Variants in GNG2 observed in about 807,000 individuals in gnomAD.
GNG2 encodes the protein guanine nucleotide-binding protein G(I)/G(S)/G(O) subunit gamma-2.
In GNG2, 5 loss-of-function variants were observed where a neutral mutation model predicts 5.5. That is an observed-to-expected ratio of 0.91 (90% CI 0.48 to 1.92). The LOEUF is 1.92. Among genes scored for constraint, GNG2 ranks in the 30% most tolerant of loss-of-function variants. The pLI is 0.01. For synonymous variants in GNG2, 28 were observed against 32.0 expected (o/e 0.88, Z 0.42); for missense variants, 55 against 88.4 (o/e 0.62, Z 1.52).
chr14:51,865,528 G>A (rs192180133), intron 1 of GNG2, among the ~76,000 whole-genome samples: 4 of 152,052 alleles, frequency 2.6e-5, no homozygotes, highest in Non-Finnish European at 5.9e-5. Context: ...AATGATCTGG[G>A]GGGTGACCTA....
At chr14:51,841,785 G>A (rs1881491512) in intron 2 of GNG2, among the ~76,000 whole-genome samples, 1 of 152,156 alleles carries the variant, frequency 6.6e-6, no homozygotes, top group South Asian at 2.1e-4. Context: ...GCTTTTCTTT[G>A]GGGCCATACG....
chr14:51,874,544 A>T (rs1323594382), intron 1 of GNG2, among the ~76,000 whole-genome samples: 2 of 152,036 alleles, frequency 1.3e-5, no homozygotes, highest in African/African-American at 4.8e-5. Flanking sequence ...CAGCTTGGGC[A>T]ACGTAGAGAC....
At chr14:51,826,863 A>T (rs536932580) in intron 1 of GNG2, among the ~76,000 whole-genome samples, 1 of 152,366 alleles carries the variant, frequency 6.6e-6, no homozygotes, top group Middle Eastern at 3.4e-3. Context: ...AGACCCATAA[A>T]TAAGCACAGC....
chr14:51,828,682 A>T (rs1881099465), intron 2 of GNG2, among the ~76,000 whole-genome samples: 1 of 152,160 alleles, frequency 6.6e-6, no homozygotes, highest in Non-Finnish European at 1.5e-5. Flanking sequence ...TTACAGACCC[A>T]TCAAGCTGCT....
chr14:51,909,821 A>T (rs1173990231), intron 2 of GNG2, among the ~76,000 whole-genome samples: 1 of 152,226 alleles, frequency 6.6e-6, no homozygotes, highest in African/African-American at 2.4e-5. Flanking sequence ...GGATTGTGGA[A>T]ACCTGGCTTC....
chr14:51,903,199 T>A (rs1225234943), intron 2 of GNG2, among the ~76,000 whole-genome samples: 1 of 152,208 alleles, frequency 6.6e-6, no homozygotes, highest in East Asian at 1.9e-4. Context: ...AATGATATAT[T>A]TCATATGTAA....
chr14:51,853,128 T>C lies in GNG2; in HGVS notation c.64+25321T>C, dbSNP rs1881988132. On this transcript the variant is annotated intron_variant, in intron 2 of 3. Coordinates refer to the GNG2 transcript ENST00000553432. ...AATTTTTAGCTGATTTTATAAAATGTTCTGGTATTTTCAAAATGGTCAGTA... is the reference window on the plus strand; with the variant it reads ...AATTTTTAGCTGATTTTATAAAATGCTCTGGTATTTTCAAAATGGTCAGTA... 1.3e-5 allele frequency among the ~76,000 whole-genome samples: 2 copies of C among 152,232 alleles called. 1 individual carries two copies. Among genetic ancestry groups the C allele is most frequent in the Admixed American group, 1.3e-4 (2 of 15,274 alleles).
upstream of GNG2, among the ~76,000 whole-genome samples, chr14:51,855,514 G>A (rs747646951): frequency 1.8e-4 from 27 of 152,350 alleles, no homozygotes; most frequent in Non-Finnish European, 2.6e-4. Context: ...ACTCTTTAAA[G>A]AGGCTTCTAT....
chr14:51,863,675 A>G (rs1022950411), intron 1 of GNG2, among the ~76,000 whole-genome samples: 2 of 151,872 alleles, frequency 1.3e-5, no homozygotes, highest in Non-Finnish European at 2.9e-5. Context: ...CCATTAATCA[A>G]TACCTCCTCT....
At chr14:51,927,097 C>G (rs755086586) in intron 2 of GNG2, among the ~76,000 whole-genome samples, 1 of 152,268 alleles carries the variant, frequency 6.6e-6, no homozygotes, top group Non-Finnish European at 1.5e-5. Context: ...TAAAATTCTT[C>G]CAATTCACGT....
intron 2 of GNG2, among the ~76,000 whole-genome samples, chr14:51,922,759 A>G (rs1235253293): frequency 6.6e-6 from 1 of 152,152 alleles, no homozygotes; most frequent in African/African-American, 2.4e-5. Context: ...TTAAGACATA[A>G]CGGACTCGTG....
chr14:51,906,338 C>A (rs1885915733), intron 2 of GNG2, among the ~76,000 whole-genome samples: 2 of 152,140 alleles, frequency 1.3e-5, no homozygotes, highest in Admixed American at 1.3e-4. Flanking sequence ...ATATAATGAG[C>A]CTATTCTCTT....
intron 2 of GNG2, among the ~76,000 whole-genome samples, chr14:51,882,048 T>C (rs1022148626): frequency 2.6e-5 from 4 of 152,208 alleles, no homozygotes; most frequent in Non-Finnish European, 4.4e-5. Flanking sequence ...ATCAAGTTCT[T>C]ATGCTGTAAT....
chr14:51,896,586 G>C (rs1367024190), intron 2 of GNG2, among the ~76,000 whole-genome samples: 2 of 152,166 alleles, frequency 1.3e-5, no homozygotes, highest in African/African-American at 2.4e-5. Flanking sequence ...GCTGTAACTA[G>C]AAATCACCAA....
At chr14:51,872,255 T>C (rs372534385) in intron 1 of GNG2, among the ~76,000 whole-genome samples, 14 of 152,182 alleles carry the variant, frequency 9.2e-5, no homozygotes, top group African/African-American at 3.4e-4. Context: ...AGAAAAAATA[T>C]ATTCTTGGTT....
intron 2 of GNG2, among the ~76,000 whole-genome samples, chr14:51,848,225 ACAT>A (rs1469706604): frequency 6.6e-6 from 1 of 152,034 alleles, no homozygotes; most frequent in African/African-American, 2.4e-5. Flanking sequence ...AGCCAAGCCA[ACAT>A]CATCTTTCTA....
intron 2 of GNG2, among the ~76,000 whole-genome samples, chr14:51,942,108 A>G (rs904875217): frequency 6.6e-6 from 1 of 152,244 alleles, no homozygotes; most frequent in Non-Finnish European, 1.5e-5. Context: ...CCGGGACCAG[A>G]TATCGATAAA....
chr14:51,880,588 T>C (rs912719991), intron 2 of GNG2, among the ~76,000 whole-genome samples: 8 of 152,214 alleles, frequency 5.3e-5, no homozygotes, highest in African/African-American at 1.9e-4. Flanking sequence ...TTTTTTGTTG[T>C]AGCAAGTCCT....
intron 2 of GNG2, chr14:51,914,112 G>A (rs1886459780): frequency 4.6e-6 from 3 of 649,836 alleles, no homozygotes; most frequent in Non-Finnish European, 8.4e-6. Context: ...TTTTGCAGAA[G>A]ATATTGAAAT....
Sources: allele counts gnomAD v4.1 joint callset (sites outside exome capture counted in the v4.1 genomes callset), GRCh38; gene constraint gnomAD v4.1.1; transcripts MANE v1.5; gene names NCBI Gene and HGNC (gene_info 2026-07-23, HGNC 2026-07-21).